Variants in ADAMTS18 observed in about 807,000 individuals in gnomAD.
ADAMTS18 encodes A disintegrin and metalloproteinase with thrombospondin motifs 18.
ADAMTS18 carries 157 observed loss-of-function variants against 165.9 expected under a neutral mutation model. The observed-to-expected ratio is 0.95, with a 90% CI of 0.83 to 1.08. ADAMTS18 has a LOEUF of 1.08. ADAMTS18 is among the 50% of genes least tolerant of loss of function. The pLI, the probability that ADAMTS18 is intolerant of heterozygous loss-of-function variation, is 0.00. For missense variants in ADAMTS18, 2,040 were observed against 1,534.0 expected (o/e 1.33, Z -5.51); for synonymous variants, 782 against 578.2 (o/e 1.35, Z -5.06).
chr16:77,294,941 G>T lies in ADAMTS18; in HGVS notation c.2988C>A (p.Ser996Arg), dbSNP rs1391549194. The T allele has an allele frequency of 6.2e-7, 1 of 1,614,030 alleles. No individual in the cohort carries two copies. The highest frequency in any genetic ancestry group is 1.7e-5 in the Admixed American group (1 of 59,990). ...CNSHACPPQWSLGPWSQCSKT... is the reference protein window; with the variant it reads ...CNSHACPPQWRLGPWSQCSKT... ...CTGTTACCTGAGACCAGGGTCCAAGGCTCCATTGTGGAGGGCAGGCATGGC... is the reference window on the plus strand; with the variant it reads ...CTGTTACCTGAGACCAGGGTCCAAGTCTCCATTGTGGAGGGCAGGCATGGC... The change falls in exon 19 of 23, where the codon AGC (serine) becomes AGA (arginine). Residue 996 changes from serine (S) to arginine (R), a missense_variant. Transcript: ENST00000282849.
rs138964966 is a variant in ADAMTS18 at position 77,399,033 on chromosome 16, A to G, written c.496-31310T>C. Among the ~76,000 whole-genome samples, 28 of 152,328 alleles carry G rather than the reference A, an allele frequency of 1.8e-4. No homozygotes were observed. In the East Asian group the frequency reaches 4.8e-3, roughly 26 times the overall value. ...CCATCAGCATCCTGACCTGACTGCTATCTTTTCTTGCAGGCCAAAAGGAAC... is the reference window on the plus strand; with the variant it reads ...CCATCAGCATCCTGACCTGACTGCTGTCTTTTCTTGCAGGCCAAAAGGAAC... On this transcript the variant is annotated intron_variant, in intron 3 of 22. Transcript: ENST00000282849.
At chr16:77,426,852 G>A (rs763240902) in intron 3 of ADAMTS18, among the ~76,000 whole-genome samples, 7 of 152,142 alleles carry the variant, frequency 4.6e-5, no homozygotes, top group Non-Finnish European at 1.0e-4. Context: ...GCAAAACCTC[G>A]CCTCTACAAA....
intron 12 of ADAMTS18, among the ~76,000 whole-genome samples, chr16:77,329,797 A>G (rs914838292): frequency 1.3e-5 from 2 of 152,172 alleles, no homozygotes; most frequent in South Asian, 2.1e-4. Flanking sequence ...TTCTATCATG[A>G]TATGTCTTGG....
rs1483373060 is a variant in ADAMTS18, at chr16:77,283,116, G to T, written c.*840C>A. 6.6e-6 allele frequency: 1 copy of T among 152,322 alleles called. No homozygotes were observed. The highest frequency in any genetic ancestry group is 1.5e-5 in the Non-Finnish European group (1 of 67,954). The allele number at this position is 152,322 out of a possible 1,614,324, so 9.4% of individuals were successfully genotyped here. A position where few individuals can be genotyped will look rare whatever the true frequency, so the allele number is the denominator to read the frequency against. ...TAGATATTTTTTAAATACCAGAAAT[G>T]GGTATGTAGCATTCCCAAAGAGCGG... On this transcript the variant is annotated 3_prime_UTR_variant, in exon 23 of 23. Transcript: ENST00000282849.
intron 10 of ADAMTS18, among the ~76,000 whole-genome samples, chr16:77,342,243 C>T (rs986887365): frequency 2.0e-5 from 3 of 152,098 alleles, no homozygotes; most frequent in African/African-American, 4.8e-5. Context: ...TGTACAATAG[C>T]GATCAAATGA....
chr16:77,308,615 T>A (rs2144611230), intron 16 of ADAMTS18, among the ~76,000 whole-genome samples: 1 of 152,122 alleles, frequency 6.6e-6, no homozygotes, highest in African/African-American at 2.4e-5. Flanking sequence ...ATTTTAATCC[T>A]TATTGCCAAG....
chr16:77,434,858 C>T lies in ADAMTS18; in HGVS notation c.-163G>A, dbSNP rs2057778532. ...CAGCGGGGGCGCGCTGGGACCTCCCCTCCTCCGGCCGCCTGCGCGCCCTCC... is the reference window on the plus strand; with the variant it reads ...CAGCGGGGGCGCGCTGGGACCTCCCTTCCTCCGGCCGCCTGCGCGCCCTCC... On this transcript the variant is annotated 5_prime_UTR_variant, in exon 1 of 23. Transcript: ENST00000282849. 1 of 514,060 alleles carries T rather than the reference C, an allele frequency of 1.9e-6. No individual in the cohort carries two copies. The highest frequency in any genetic ancestry group is 3.0e-6 in the Non-Finnish European group (1 of 330,618). The allele number at this position is 514,060 out of a possible 1,614,324, so 31.8% of individuals were successfully genotyped here. A position where few individuals can be genotyped will look rare whatever the true frequency, so the allele number is the denominator to read the frequency against.
intron 11 of ADAMTS18, among the ~76,000 whole-genome samples, chr16:77,339,896 T>G (rs1220324447): frequency 6.6e-6 from 1 of 152,238 alleles, no homozygotes; most frequent in Non-Finnish European, 1.5e-5. Context: ...ATAAATGTCC[T>G]AACAAATATC....
intron 22 of ADAMTS18, among the ~76,000 whole-genome samples, chr16:77,288,804 A>T (rs1279035034): frequency 6.6e-6 from 1 of 152,182 alleles, no homozygotes; most frequent in East Asian, 1.9e-4. Flanking sequence ...TTCCCTTCAG[A>T]CCCATGCAAA....
intron 8 of ADAMTS18, 88 bp downstream of exon 8, chr16:77,359,230 T>C (rs538243874): frequency 4.4e-6 from 5 of 1,144,280 alleles, no homozygotes; most frequent in Middle Eastern, 2.5e-4. Context: ...CTCTTTGTTC[T>C]GCCTAAGTCA....
In ADAMTS18 at chr16:77,382,586, A is replaced by G. The variant is rs767749037; in HGVS notation, c.496-14863T>C. On this transcript the variant is annotated intron_variant, in intron 3 of 22. Transcript: ENST00000282849. The stretch of plus-strand genomic sequence containing the variant: ...TGGTTTGGTCATGAAGACTTTCTCA[A>G]TCTAGGGAAGATGAAAGAAAGCTGT... Among the ~76,000 whole-genome samples the G allele has an allele frequency of 4.6e-5, 7 of 152,256 alleles. No homozygotes were observed. In the East Asian group the frequency reaches 5.8e-4, roughly 13 times the overall value.
At chr16:77,327,667 G>A (rs979415831) in intron 12 of ADAMTS18, among the ~76,000 whole-genome samples, 6 of 152,184 alleles carry the variant, frequency 3.9e-5, no homozygotes, top group African/African-American at 1.2e-4. Context: ...TAGCCCCTGT[G>A]TTAAGGAAAT....
rs556449815 is a variant in ADAMTS18 at position 77,338,862 on chromosome 16, G to C, written c.1710+2842C>G. 2.0e-5 allele frequency among the ~76,000 whole-genome samples: 3 copies of C among 151,510 alleles called. No individual in the cohort carries two copies. In the East Asian group the frequency reaches 5.9e-4, roughly 30 times the overall value. On this transcript the variant is annotated intron_variant, in intron 11 of 22. Transcript: ENST00000282849. ...CCAGCTACTCGGGAGGCTGAGGCAG[G>C]AGAATGGCGTGAACCCGGGAGATGG... is the stretch of plus-strand genomic sequence containing the variant.
At chr16:77,392,537 C>T (rs374401577) in intron 3 of ADAMTS18, among the ~76,000 whole-genome samples, 5 of 152,170 alleles carry the variant, frequency 3.3e-5, no homozygotes, top group Non-Finnish European at 4.4e-5. Flanking sequence ...ACTTCCCATG[C>T]CTGCCCCCTG....
At chr16:77,374,240 T>C (rs2056918516) in intron 3 of ADAMTS18, among the ~76,000 whole-genome samples, 1 of 151,580 alleles carries the variant, frequency 6.6e-6, no homozygotes, top group Admixed American at 6.6e-5. Context: ...AAAAAAATTG[T>C]TTCTTCATCC....
Position 77,282,336 on chromosome 16 carries a change from A to C in ADAMTS18, c.*1620T>G, listed in dbSNP as rs2055161820. 1 of 152,120 alleles carries C rather than the reference A, an allele frequency of 6.6e-6. No individual in the cohort carries two copies. The highest frequency in any genetic ancestry group is 2.4e-5 in the African/African-American group (1 of 41,446). 9.4% of individuals were successfully genotyped at this position (152,120 alleles called of 1,614,324 possible). On this transcript the variant is annotated 3_prime_UTR_variant, in exon 23 of 23. Coordinates refer to ENST00000282849, the MANE Select transcript of ADAMTS18 (RefSeq NM_199355.4). ...TAATAAAATGATAATTATATAAAGA[A>C]ATAACTTGCTGTTTTTCAGAAGGCA...
rs368112571 is a variant in ADAMTS18, at chr16:77,285,899, G to C, written c.3551-1828C>G. 3.3e-5 allele frequency among the ~76,000 whole-genome samples: 5 copies of C among 152,268 alleles called. No homozygotes were observed. The South Asian group carries it at 6.2e-4, about 19-fold the overall frequency. On this transcript the variant is annotated intron_variant, in intron 22 of 22. Coordinates refer to ENST00000282849, the MANE Select transcript of ADAMTS18 (RefSeq NM_199355.4). ...AACCGCTTCCTGGCAGAGTTGACAA[G>C]TCCTTGTTCTACTCGAGACAACCTG...
chr16:77,298,011 G>C (rs1009766389), intron 17 of ADAMTS18, among the ~76,000 whole-genome samples: 2 of 131,980 alleles, frequency 1.5e-5, no homozygotes, highest in African/African-American at 5.8e-5. Flanking sequence ...TGCAACCTCT[G>C]CCTCCCGGGT....
At chr16:77,372,524 C>G in intron 3 of ADAMTS18, among the ~76,000 whole-genome samples, 1 of 152,264 alleles carries the variant, frequency 6.6e-6, no homozygotes, top group African/African-American at 2.4e-5. Flanking sequence ...AAATCAAAGA[C>G]GGAGTCTTCA....
Sources: allele counts gnomAD v4.1 joint callset (sites outside exome capture counted in the v4.1 genomes callset), GRCh38; gene constraint gnomAD v4.1.1; transcripts MANE v1.5; gene names NCBI Gene and HGNC (gene_info 2026-07-23, HGNC 2026-07-21).